Variants in TNR observed in about 807,000 individuals in gnomAD.
The protein encoded by TNR is tenascin R, also known as tenascin-R.
TNR carries 45 observed loss-of-function variants against 150.4 expected under a neutral mutation model. The observed-to-expected ratio is 0.30, with a 90% confidence interval of 0.24 to 0.38. The LOEUF (loss-of-function observed/expected upper bound fraction) is 0.38. TNR is among the 10% of genes least tolerant of loss of function. The probability of loss-of-function intolerance (pLI) is 1.00; values close to 1 mark genes in which losing one functional copy is unlikely to be tolerated. For synonymous variants in TNR, 687 were observed against 678.4 expected (o/e 1.01, Z -0.20); for missense variants, 1,544 against 1,759.1 (o/e 0.88, Z 2.19).
intron 21 of TNR, 121 bp from the exon 22 acceptor site, chr1:175,324,640 C>T (rs1649262266): frequency 1.7e-6 from 2 of 1,200,296 alleles, no homozygotes; most frequent in Non-Finnish European, 2.4e-6. Flanking sequence ...TCATTTCCAC[C>T]CAGTTTCTCA....
At chr1:175,352,257 A>C (rs1651087825) in intron 18 of TNR, among the ~76,000 whole-genome samples, 2 of 152,346 alleles carry the variant, frequency 1.3e-5, no homozygotes, top group African/African-American at 4.8e-5. Context: ...CATACTGCTC[A>C]CAACTGCTAG....
At chr1:175,385,763 A>C (rs1240958535) in intron 8 of TNR, among the ~76,000 whole-genome samples, 6 of 152,214 alleles carry the variant, frequency 3.9e-5, no homozygotes, top group African/African-American at 1.4e-4. Flanking sequence ...GGGAAACCTG[A>C]GGCCCATAGT....
At chr1:175,646,489 T>C (rs1356051338) in intron 1 of TNR, among the ~76,000 whole-genome samples, 1 of 152,216 alleles carries the variant, frequency 6.6e-6, no homozygotes, top group Non-Finnish European at 1.5e-5. Context: ...CTCCCTCTTG[T>C]AGGCTTCTTA....
chr1:175,375,120 C>A (rs1412222188), intron 9 of TNR, among the ~76,000 whole-genome samples: 1 of 151,782 alleles, frequency 6.6e-6, no homozygotes, highest in East Asian at 1.9e-4. Context: ...TCTTCTCCCT[C>A]CCTTCTCTCT....
chr1:175,574,995 G>C (rs900595255), intron 1 of TNR, among the ~76,000 whole-genome samples: 1 of 152,230 alleles, frequency 6.6e-6, no homozygotes, highest in Non-Finnish European at 1.5e-5. Flanking sequence ...TAACTAAGCA[G>C]TCTGGAGAAG....
chr1:175,593,781 C>T (rs1274150063), intron 1 of TNR, among the ~76,000 whole-genome samples: 1 of 152,046 alleles, frequency 6.6e-6, no homozygotes, highest in Non-Finnish European at 1.5e-5. Flanking sequence ...CAAGTAGGGC[C>T]CAAGATATTT....
At chr1:175,724,502 C>T (rs1341490832) in intron 1 of TNR, among the ~76,000 whole-genome samples, 1 of 152,134 alleles carries the variant, frequency 6.6e-6, no homozygotes, top group Non-Finnish European at 1.5e-5. Context: ...CCACCTACAA[C>T]ACTGGGGATT....
chr1:175,541,058 C>A (rs886596248), intron 1 of TNR, among the ~76,000 whole-genome samples: 14 of 152,156 alleles, frequency 9.2e-5, no homozygotes, highest in African/African-American at 3.1e-4. Flanking sequence ...TTTGCATCTG[C>A]TGTTTCATCT....
At chr1:175,461,027 AAGGGCATTCCC>A (rs1656794151) in intron 2 of TNR, among the ~76,000 whole-genome samples, 1 of 152,242 alleles carries the variant, frequency 6.6e-6, no homozygotes, top group African/African-American at 2.4e-5. Context: ...CTGAAGCCAG[AAGGGCATTCCC>A]AGTGGGAGAG....
chr1:175,625,792 G>A (rs1451230544), intron 1 of TNR, among the ~76,000 whole-genome samples: 1 of 152,188 alleles, frequency 6.6e-6, no homozygotes, highest in Non-Finnish European at 1.5e-5. Context: ...AAGGGTCTCT[G>A]AGCCTTCTAG....
Position 175,386,079 on chromosome 1 carries a change from A to C in TNR, c.1730T>G (p.Val577Gly), listed in dbSNP as rs912524071. 21 of 1,609,356 alleles carry C rather than the reference A, an allele frequency of 1.3e-5. No homozygotes were observed. Among genetic ancestry groups the C allele is most frequent in the Non-Finnish European group, 1.4e-5 (17 of 1,176,826 alleles). The change falls in exon 8 of 23, where the codon GTC becomes GGC. Residue 577 changes from valine (V) to glycine (G), a missense_variant. By Grantham distance (109) the Val-to-Gly change is moderately radical (BLOSUM62 -3). Coordinates refer to ENST00000367674, the MANE Select transcript of TNR (RefSeq NM_003285.3). ...GSRYEVSVSA[V>G]RGTNESDSAT... is the part of the protein sequence containing the mutation. ...AGAATCGCTCTCGTTGGTCCCTCGG[A>C]CGGCACTGACTGACACCTCGTATCG...
chr1:175,428,624 A>G (rs1202319153), intron 2 of TNR, among the ~76,000 whole-genome samples: 1 of 152,214 alleles, frequency 6.6e-6, no homozygotes, highest in Admixed American at 6.5e-5. Flanking sequence ...AAATCAACAT[A>G]TGTTTTTTGA....
chr1:175,491,806 C>T (rs974018130), intron 2 of TNR, among the ~76,000 whole-genome samples: 13 of 152,028 alleles, frequency 8.6e-5, no homozygotes, highest in Non-Finnish European at 1.6e-4. Flanking sequence ...CCCACCACCA[C>T]ACCCGGCTAA....
intron 1 of TNR, among the ~76,000 whole-genome samples, chr1:175,574,281 T>C (rs1034812791): frequency 1.3e-5 from 2 of 152,198 alleles, no homozygotes; most frequent in African/African-American, 4.8e-5. Context: ...CTCCCCACCC[T>C]GGGTGAAATG....
intron 1 of TNR, among the ~76,000 whole-genome samples, chr1:175,695,364 G>A (rs767789198): frequency 6.6e-6 from 1 of 151,864 alleles, no homozygotes; most frequent in Non-Finnish European, 1.5e-5. Context: ...GCTCTTGCCA[G>A]TGTCTTTACT....
At chr1:175,717,318 A>C (rs1373002623) in intron 1 of TNR, among the ~76,000 whole-genome samples, 4 of 152,158 alleles carry the variant, frequency 2.6e-5, no homozygotes, top group African/African-American at 9.7e-5. Context: ...CAAGGGTTGA[A>C]AAACTAACTA....
chr1:175,516,762 C>G (rs1659421368), intron 2 of TNR, among the ~76,000 whole-genome samples: 1 of 152,032 alleles, frequency 6.6e-6, no homozygotes, highest in African/African-American at 2.4e-5. Flanking sequence ...AGGGCACTAT[C>G]TATTAATAAA....
intron 2 of TNR, among the ~76,000 whole-genome samples, chr1:175,411,526 T>C (rs1374520512): frequency 1.3e-5 from 2 of 151,824 alleles, no homozygotes; most frequent in Non-Finnish European, 2.9e-5. Flanking sequence ...GGTTGATTCT[T>C]CCCTAGGTCT....
chr1:175,587,508 T>C (rs1027295027), intron 1 of TNR, among the ~76,000 whole-genome samples: 30 of 152,188 alleles, frequency 2.0e-4, no homozygotes, highest in Non-Finnish European at 4.3e-4. Context: ...GTATGGTAGA[T>C]ACATAGAAAA....
Sources: allele counts gnomAD v4.1 joint callset (sites outside exome capture counted in the v4.1 genomes callset), GRCh38; gene constraint gnomAD v4.1.1; transcripts MANE v1.5; gene names NCBI Gene and HGNC (gene_info 2026-07-23, HGNC 2026-07-21).